Variants in TJP2 observed in about 807,000 individuals in gnomAD.
The protein encoded by TJP2 is tight junction protein 2.
In TJP2, 91 loss-of-function variants were observed where a neutral mutation model predicts 133.1. The observed-to-expected ratio is 0.68, with a 90% CI of 0.58 to 0.81. TJP2 has a LOEUF of 0.81. Among genes scored for constraint, TJP2 ranks in the 40% least tolerant of loss-of-function variants. The pLI is 0.00. For synonymous variants in TJP2, 592 were observed against 583.4 expected (o/e 1.01, Z -0.21); for missense variants, 1,541 against 1,565.6 (o/e 0.98, Z 0.26).
At chr9:69,248,338 G>T in intron 19 of TJP2, 114 bp downstream of exon 19, 1 of 1,463,094 alleles carries the variant, frequency 6.8e-7, no homozygotes, top group South Asian at 1.5e-5. Context: ...GGTTGGAGCA[G>T]ATGACTTCCA....
At chr9:69,200,722 A>G (rs1265648598) in intron 1 of TJP2, among the ~76,000 whole-genome samples, 1 of 152,124 alleles carries the variant, frequency 6.6e-6, no homozygotes, top group Admixed American at 6.5e-5. Flanking sequence ...TGTAGTTGCT[A>G]TAACCCCACC....
intron 22 of TJP2, 121 bp downstream of exon 22, chr9:69,253,021 A>T: frequency 1.2e-6 from 1 of 851,034 alleles, no homozygotes; most frequent in South Asian, 1.5e-5. Flanking sequence ...CCACAGATTG[A>T]CTGTTTGCCT....
intron 1 of TJP2, among the ~76,000 whole-genome samples, chr9:69,201,190 C>T (rs1204773941): frequency 2.0e-5 from 3 of 152,154 alleles, no homozygotes; most frequent in African/African-American, 7.2e-5. Flanking sequence ...GCTTTTGGGT[C>T]TGTAAGTATG....
intron 19 of TJP2, chr9:69,248,445 TCCGCA>T: frequency 7.1e-7 from 1 of 1,406,278 alleles, no homozygotes. Context: ...GGGTCAGCAC[TCCGCA>T]CACCCATGCC....
chr9:69,162,254 A>G (rs567947047), intron 2 of TJP2, among the ~76,000 whole-genome samples: 68 of 150,486 alleles, frequency 4.5e-4, no homozygotes, highest in African/African-American at 1.5e-3. Context: ...TTAAGTAAAT[A>G]TTGTAAGATT....
Position 69,127,074 on chromosome 9 carries a change from C to CT in TJP2, c.-131+5362dup, listed in dbSNP as rs1314234631. On this transcript the variant is annotated intron_variant, in intron 1 of 5. Coordinates refer to the TJP2 transcript ENST00000423935. ...TAGGGAGACCCCTGTCTCTCTCTCT[C>CT]TTTTTTTTTTTTTGAGGCAAAGTCT... Among the ~76,000 whole-genome samples the CT allele has an allele frequency of 1.4e-3, 74 of 52,306 alleles. 18 individuals carry two copies. Among genetic ancestry groups the CT allele is most frequent in the African/African-American group, 1.7e-3 (33 of 19,596 alleles). 34.3% of individuals were successfully genotyped at this position (52,306 alleles called of 152,430 possible). A position where few individuals can be genotyped will look rare whatever the true frequency, so the allele number is the denominator to read the frequency against.
intron 17 of TJP2, among the ~76,000 whole-genome samples, chr9:69,242,135 C>G (rs1830618487): frequency 6.6e-6 from 1 of 152,154 alleles, no homozygotes; most frequent in African/African-American, 2.4e-5. Context: ...GAGAGCAGGG[C>G]AGAAGAAGGC....
intron 1 of TJP2, among the ~76,000 whole-genome samples, chr9:69,177,605 A>G (rs1825190000): frequency 6.6e-6 from 1 of 152,034 alleles, no homozygotes; most frequent in East Asian, 1.9e-4. Context: ...GAAATCCAAT[A>G]TGCAGTATTG....
chr9:69,155,612 T>C lies in TJP2; in HGVS notation c.-10+3841T>C, dbSNP rs547650900. Among the ~76,000 whole-genome samples the C allele has an allele frequency of 2.6e-5, 4 of 152,388 alleles. No homozygotes were observed. In the South Asian group the frequency reaches 8.3e-4, roughly 32 times the overall value. On this transcript the variant is annotated intron_variant, in intron 2 of 5. Transcript: ENST00000423935. ...GGCTGGTTTAGAGCATGGGCTTGTT[T>C]ACAGATGGTGTGTGTGGCCAGTTTC...
chr9:69,236,339 A>AGTTCATTACTTGTCACCAT, intron 13 of TJP2, 101 bp downstream of exon 13: 4 of 1,149,030 alleles, frequency 3.5e-6, no homozygotes, highest in Admixed American at 4.0e-5. Flanking sequence ...CCACATGATG[A>AGTTCATTACTTGTCACCAT]GTTCATTACT....
intron 11 of TJP2, among the ~76,000 whole-genome samples, chr9:69,231,897 A>G (rs1224168139): frequency 6.6e-6 from 1 of 152,208 alleles, no homozygotes; most frequent in Non-Finnish European, 1.5e-5. Context: ...TTTTCTAACT[A>G]TTGTGAGGCC....
At chr9:69,156,887 C>T (rs1039761242) in intron 2 of TJP2, among the ~76,000 whole-genome samples, 3 of 152,148 alleles carry the variant, frequency 2.0e-5, no homozygotes, top group Non-Finnish European at 4.4e-5. Context: ...GGTAGAGGGG[C>T]TGCCAGGTCA....
intron 2 of TJP2, among the ~76,000 whole-genome samples, chr9:69,168,817 G>A (rs1250018202): frequency 5.8e-5 from 8 of 139,110 alleles, no homozygotes; most frequent in African/African-American, 1.7e-4. Context: ...AAAAAAAAAA[G>A]AAAAAAGAAA....
intron 1 of TJP2, among the ~76,000 whole-genome samples, chr9:69,137,258 TTTC>T (rs1437062611): frequency 5.3e-5 from 3 of 57,012 alleles, no homozygotes; most frequent in African/African-American, 3.2e-4. Context: ...TCTTTCTTTC[TTTC>T]TTTCTTTCTT....
At chr9:69,197,533 T>C (rs2133100608) in intron 1 of TJP2, among the ~76,000 whole-genome samples, 1 of 152,328 alleles carries the variant, frequency 6.6e-6, no homozygotes, top group Middle Eastern at 3.4e-3. Context: ...CTACCATGTG[T>C]TCGTAATGCT....
intron 1 of TJP2, among the ~76,000 whole-genome samples, chr9:69,206,813 G>T (rs957338521): frequency 6.6e-6 from 1 of 152,070 alleles, no homozygotes; most frequent in Non-Finnish European, 1.5e-5. Flanking sequence ...TCCTGACCTC[G>T]TGATCCACCC....
intron 2 of TJP2, among the ~76,000 whole-genome samples, chr9:69,155,522 C>A (rs543049055): frequency 6.6e-6 from 1 of 152,352 alleles, no homozygotes; most frequent in South Asian, 2.1e-4. Context: ...TGGGGTAAGT[C>A]CCAGGAATTT....
intron 1 of TJP2, among the ~76,000 whole-genome samples, chr9:69,146,190 T>C (rs984967221): frequency 1.1e-4 from 16 of 152,222 alleles, no homozygotes; most frequent in African/African-American, 3.9e-4. Context: ...TACAAGTGTT[T>C]TTCTGATTAA....
In TJP2 at chr9:69,237,112, T is replaced by C. The variant is rs780290703; in HGVS notation, c.2155T>C (p.Tyr719His). The change falls in exon 14 of 23, where the codon TAT becomes CAT. Residue 719 changes from tyrosine (Y) to histidine (H), a missense_variant. Physicochemically the swap from Tyr to His is moderately conservative, Grantham distance 83. Transcript: ENST00000377245. ...GTCTGTCAGCACCAAGTTCCCAGCT[T>C]ATGAGAGGGTTTTGCTGCGAGAAGG... ...VVSVSTKFPAYERVLLREAGF... is the reference protein window; with the variant it reads ...VVSVSTKFPAHERVLLREAGF... The C allele has an allele frequency of 6.2e-7, 1 of 1,613,972 alleles. No individual in the cohort carries two copies. Among genetic ancestry groups the C allele is most frequent in the South Asian group, 1.1e-5 (1 of 91,056 alleles).
Sources: gnomAD v4.1 joint callset for allele counts (sites outside exome capture counted in the v4.1 genomes callset) on GRCh38, gnomAD v4.1.1 for gene constraint, MANE v1.5 for transcripts, NCBI Gene and HGNC (gene_info 2026-07-23, HGNC 2026-07-21) for gene names.